TMEM163: variants seen among roughly 807,000 people sequenced by gnomAD.
The protein encoded by TMEM163 is transmembrane protein 163.
TMEM163 carries 17 observed loss-of-function variants against 29.3 expected under a neutral mutation model. The observed-to-expected ratio is 0.58, with a 90% CI of 0.40 to 0.87. The LOEUF is 0.87. TMEM163 is among the 40% of genes least tolerant of loss of function. The pLI is 0.00. For synonymous variants in TMEM163, 157 were observed against 160.6 expected (o/e 0.98, Z 0.17); for missense variants, 303 against 381.5 (o/e 0.79, Z 1.71).
chr2:134,500,098 A>G (rs1269109237), intron 5 of TMEM163, among the ~76,000 whole-genome samples: 4 of 152,178 alleles, frequency 2.6e-5, no homozygotes, highest in African/African-American at 4.8e-5. Context: ...TTCCAGCATG[A>G]TATCTCCAGA....
chr2:134,564,739 A>G (rs1375828779), intron 2 of TMEM163, among the ~76,000 whole-genome samples: 1 of 152,248 alleles, frequency 6.6e-6, no homozygotes, highest in Non-Finnish European at 1.5e-5. Flanking sequence ...ACCAATAAAC[A>G]TATGAAAATA....
Position 134,718,939 on chromosome 2 carries a change from G to A in TMEM163, c.-4C>T. The A allele has an allele frequency of 1.9e-6, 2 of 1,043,544 alleles. No individual in the cohort carries two copies. The highest frequency in any genetic ancestry group is 2.3e-6 in the Non-Finnish European group (2 of 869,534). 64.6% of individuals were successfully genotyped at this position (1,043,544 alleles called of 1,614,324 possible). A position where few individuals can be genotyped will look rare whatever the true frequency, so the allele number is the denominator to read the frequency against. On this transcript the variant is annotated 5_prime_UTR_variant, in exon 1 of 8. Transcript: ENST00000281924. Reference sequence around the variant, plus strand: ...GGATGCCCGCGGCCGGCTCCATGGCGCGGGGCTGCGGATCCCGGCGGCGGC... The same window carrying A: ...GGATGCCCGCGGCCGGCTCCATGGCACGGGGCTGCGGATCCCGGCGGCGGC...
intron 4 of TMEM163, among the ~76,000 whole-genome samples, chr2:134,512,822 C>A (rs899586219): frequency 6.6e-6 from 1 of 152,182 alleles, no homozygotes; most frequent in South Asian, 2.1e-4. Context: ...AACTTGGAAA[C>A]AACATGATGT....
intron 4 of TMEM163, among the ~76,000 whole-genome samples, chr2:134,512,961 T>C (rs1313282026): frequency 6.6e-6 from 1 of 152,114 alleles, no homozygotes; most frequent in Non-Finnish European, 1.5e-5. Flanking sequence ...CAGGTGAGGA[T>C]GTGGCAAATG....
chr2:134,532,241 C>A (rs1680432538), intron 4 of TMEM163, among the ~76,000 whole-genome samples: 2 of 152,196 alleles, frequency 1.3e-5, no homozygotes, highest in Admixed American at 1.3e-4. Context: ...GCTGGCCCAG[C>A]TATTAAAGCT....
intron 2 of TMEM163, among the ~76,000 whole-genome samples, chr2:134,610,847 TG>T (rs926249505): frequency 6.6e-6 from 1 of 152,090 alleles, no homozygotes; most frequent in African/African-American, 2.4e-5. Context: ...AATGTGAGTG[TG>T]GGGGTAGAGC....
intron 2 of TMEM163, among the ~76,000 whole-genome samples, chr2:134,573,270 G>C (rs1447478518): frequency 2.0e-5 from 3 of 152,216 alleles, no homozygotes; most frequent in African/African-American, 7.2e-5. Context: ...CCCAAGTGCT[G>C]AGAATGCTTC....
intron 2 of TMEM163, among the ~76,000 whole-genome samples, chr2:134,598,208 T>A (rs1336906310): frequency 6.6e-6 from 1 of 152,216 alleles, no homozygotes; most frequent in Non-Finnish European, 1.5e-5. Context: ...ATGCCCTGAC[T>A]GATCTAGACT....
chr2:134,616,195 A>T (rs989329667), intron 2 of TMEM163, among the ~76,000 whole-genome samples: 1 of 152,170 alleles, frequency 6.6e-6, no homozygotes, highest in Admixed American at 6.5e-5. Flanking sequence ...GACTTTCTGG[A>T]GGGCCAAAGA....
At chr2:134,528,979 TG>T (rs1252708582) in intron 4 of TMEM163, among the ~76,000 whole-genome samples, 1 of 151,932 alleles carries the variant, frequency 6.6e-6, no homozygotes, top group Non-Finnish European at 1.5e-5. Context: ...CTTTAGAAAG[TG>T]GGGGGAAAAG....
chr2:134,615,046 C>T (rs1422180107), intron 2 of TMEM163, among the ~76,000 whole-genome samples: 1 of 151,726 alleles, frequency 6.6e-6, no homozygotes, highest in East Asian at 1.9e-4. Flanking sequence ...TTAACATAGA[C>T]ACACACACAC....
chr2:134,646,629 G>A (rs1295312017), intron 2 of TMEM163, among the ~76,000 whole-genome samples: 1 of 151,846 alleles, frequency 6.6e-6, no homozygotes, highest in Non-Finnish European at 1.5e-5. Context: ...ATTATTAATA[G>A]AGATGGGGTT....
At chr2:134,466,398 G>A in intron 5 of TMEM163, 173 bp from the exon 6 acceptor site, 4 of 555,040 alleles carry the variant, frequency 7.2e-6, no homozygotes, top group South Asian at 2.4e-5. Flanking sequence ...ACCAGGAATT[G>A]GAAAAGATGC....
At chr2:134,624,730 G>A (rs548741622) in intron 2 of TMEM163, among the ~76,000 whole-genome samples, 7 of 152,158 alleles carry the variant, frequency 4.6e-5, no homozygotes, top group South Asian at 4.1e-4. Context: ...GGAACATGGC[G>A]AAACCCCGTC....
At chr2:134,585,683 A>G (rs1294389768) in intron 2 of TMEM163, among the ~76,000 whole-genome samples, 2 of 151,548 alleles carry the variant, frequency 1.3e-5, no homozygotes, top group South Asian at 2.1e-4. Flanking sequence ...CGGAGCTTGC[A>G]GTGAGTCTAG....
chr2:134,696,506 A>C lies in TMEM163; in HGVS notation c.322+16694T>G, dbSNP rs189672815. Among the ~76,000 whole-genome samples, 6 of 152,304 alleles carry C rather than the reference A, an allele frequency of 3.9e-5. No homozygotes were observed. The East Asian group carries it at 1.2e-3, about 29-fold the overall frequency. ...TATAAGGAGAAATGACATCCTTATT[A>C]GATTGTCTTCCCAGCTCTGAACATG... On this transcript the variant is annotated intron_variant, in intron 2 of 7. Coordinates refer to ENST00000281924, the MANE Select transcript of TMEM163 (RefSeq NM_030923.5).
At chr2:134,631,440 T>C (rs1682967637) in intron 2 of TMEM163, among the ~76,000 whole-genome samples, 2 of 152,198 alleles carry the variant, frequency 1.3e-5, no homozygotes, top group African/African-American at 4.8e-5. Flanking sequence ...CTTGGCCTAG[T>C]AGCACACTAA....
intron 2 of TMEM163, among the ~76,000 whole-genome samples, chr2:134,562,498 G>A (rs1404890796): frequency 6.6e-6 from 1 of 152,246 alleles, no homozygotes; most frequent in Non-Finnish European, 1.5e-5. Context: ...GGTCATCCTT[G>A]CCAGGCCACT....
intron 4 of TMEM163, among the ~76,000 whole-genome samples, chr2:134,547,131 G>A (rs949293532): frequency 2.6e-5 from 4 of 152,090 alleles, no homozygotes; most frequent in African/African-American, 4.8e-5. Flanking sequence ...CATGAGATAC[G>A]CTTAACACTA....
Sources: allele counts gnomAD v4.1 joint callset (sites outside exome capture counted in the v4.1 genomes callset), GRCh38; gene constraint gnomAD v4.1.1; transcripts MANE v1.5; gene names NCBI Gene and HGNC (gene_info 2026-07-23, HGNC 2026-07-21).